ATXN10: variants seen among roughly 807,000 people sequenced by gnomAD.
ATXN10 encodes the protein ataxin 10, also known as ataxin-10.
A neutral mutation model predicts 52.9 loss-of-function variants in ATXN10; 28 were observed. The ratio of observed to expected loss-of-function variants is 0.53; its 90% confidence interval spans 0.39 to 0.73. The LOEUF is 0.73. Among genes scored for constraint, ATXN10 ranks in the 30% least tolerant of loss-of-function variants. The pLI is 0.00. For synonymous variants in ATXN10, 226 were observed against 221.5 expected, an observed-to-expected ratio of 1.02 and a Z score of -0.18; for missense variants, 565 against 577.0, an observed-to-expected ratio of 0.98 and a Z score of 0.21.
chr22:45,680,479 G>A (rs544733469), intron 1 of ATXN10, among the ~76,000 whole-genome samples: 2 of 152,242 alleles, frequency 1.3e-5, no homozygotes, highest in Admixed American at 1.3e-4. Context: ...GATTTTCTAA[G>A]TTATATGAGA....
rs373518788 is a variant in ATXN10, at chr22:45,812,511, T to C, written c.1237+5489T>C. Among the ~76,000 whole-genome samples the C allele has an allele frequency of 3.9e-5, 6 of 152,200 alleles. No homozygotes were observed. In the South Asian group the frequency reaches 8.3e-4, roughly 21 times the overall value. On this transcript the variant is annotated intron_variant, in intron 10 of 11. Coordinates refer to ENST00000252934, the MANE Select transcript of ATXN10 (RefSeq NM_013236.4). ...AGGGTGGTTCTAAGCTCAAGAGAAA[T>C]GTCTCCCATGAGTTCTTTGACTCGG...
At chr22:45,702,364 G>C (rs147092272) in intron 4 of ATXN10, among the ~76,000 whole-genome samples, 55 of 152,270 alleles carry the variant, frequency 3.6e-4, no homozygotes, top group African/African-American at 1.2e-3. Context: ...TTTTGTACCT[G>C]TCGATTTTTT....
In ATXN10 at chr22:45,762,238, T is replaced by A. The variant is rs1181069369; in HGVS notation, c.1173+21700T>A. Among the ~76,000 whole-genome samples the A allele has an allele frequency of 6.6e-6, 1 of 151,674 alleles. No individual in the cohort carries two copies. The highest frequency in any genetic ancestry group is 1.5e-5 in the Non-Finnish European group (1 of 68,030). On this transcript the variant is annotated intron_variant, in intron 9 of 11. Coordinates refer to ENST00000252934, the MANE Select transcript of ATXN10 (RefSeq NM_013236.4). The surrounding 1 kb of genome is among the most constrained non-coding windows in gnomAD (Gnocchi z 4.3). Reference sequence around the variant, plus strand: ...TTATTTGCCCTTTGTCTGTTTCCCCTGACCAGCGTGCGTTTCTTTCTGGAG... The same window carrying A: ...TTATTTGCCCTTTGTCTGTTTCCCCAGACCAGCGTGCGTTTCTTTCTGGAG...
chr22:45,795,410 A>ATTCTC lies in ATXN10; in HGVS notation c.1174-11545_1174-11544insCTTCT. Among the ~76,000 whole-genome samples the ATTCTC allele has an allele frequency of 6.9e-6, 1 of 145,894 alleles. No individual in the cohort carries two copies. Among genetic ancestry groups the ATTCTC allele is most frequent in the South Asian group, 2.2e-4 (1 of 4,644 alleles). On this transcript the variant is annotated intron_variant, in intron 9 of 11. Coordinates refer to ENST00000252934, the MANE Select transcript of ATXN10 (RefSeq NM_013236.4). This position sits in a 1 kb window ranked among gnomAD's most constrained non-coding sequence, Gnocchi z 4.6. ...ATTCTATTCTATTCTATTCTATTCTATTCTATTCTATTCTTTTTGAGATGA... is the reference window on the plus strand; with the variant it reads ...ATTCTATTCTATTCTATTCTATTCTATTCTCTTCTATTCTATTCTTTTTGAGATGA...
At chr22:45,716,424 C>T (rs1251519016) in intron 5 of ATXN10, among the ~76,000 whole-genome samples, 1 of 151,628 alleles carries the variant, frequency 6.6e-6, no homozygotes, top group Non-Finnish European at 1.5e-5. Flanking sequence ...CAACCTCTGC[C>T]TCCTGTGTTC....
At position 45,835,742 on chromosome 22, in the gene ATXN10, T is replaced by G. The variant is rs191054996; in HGVS notation, c.1238-7249T>G. ...CCCTCCGGAAAGACTGAAACTGCTCTTTCTTATAGTGTGTATTAAATGCAA... is the reference window on the plus strand; with the variant it reads ...CCCTCCGGAAAGACTGAAACTGCTCGTTCTTATAGTGTGTATTAAATGCAA... On this transcript the variant is annotated intron_variant, in intron 10 of 11. Coordinates refer to ENST00000252934, the MANE Select transcript of ATXN10 (RefSeq NM_013236.4). The surrounding 1 kb of genome is among the most constrained non-coding windows in gnomAD (Gnocchi z 5.0). Among the ~76,000 whole-genome samples the G allele has an allele frequency of 1.8e-3, 277 of 152,368 alleles. 9 individuals carry two copies. The East Asian group carries it at 0.049, about 27-fold the overall frequency.
Position 45,841,228 on chromosome 22 carries a change from C to T in ATXN10, c.1238-1763C>T, listed in dbSNP as rs578148207. On this transcript the variant is annotated intron_variant, in intron 10 of 11. Coordinates refer to ENST00000252934, the MANE Select transcript of ATXN10 (RefSeq NM_013236.4). This position sits in a 1 kb window ranked among gnomAD's most constrained non-coding sequence, Gnocchi z 5.1. ...CCTGGACTTTGTCACGAGAGAATGACAGATAAATGACACAATAAGAACTTT... is the reference window on the plus strand; with the variant it reads ...CCTGGACTTTGTCACGAGAGAATGATAGATAAATGACACAATAAGAACTTT... Among the ~76,000 whole-genome samples the T allele has an allele frequency of 6.6e-6, 1 of 152,334 alleles. No homozygotes were observed. Among genetic ancestry groups the T allele is most frequent in the Non-Finnish European group, 1.5e-5 (1 of 68,018 alleles).
chr22:45,753,632 C>G (rs2146820283), intron 9 of ATXN10, among the ~76,000 whole-genome samples: 1 of 152,036 alleles, frequency 6.6e-6, no homozygotes, highest in African/African-American at 2.4e-5. Context: ...GTCTCGAACT[C>G]CTGACTTCAG....
At chr22:45,672,232 C>A (rs1038818545) in intron 1 of ATXN10, 53 bp downstream of exon 1, 2 of 1,433,466 alleles carry the variant, frequency 1.4e-6, no homozygotes, top group East Asian at 3.1e-5. Flanking sequence ...GGCCGGGACT[C>A]CCGCGGCGGC....
chr22:45,727,307 T>TTCTG lies in ATXN10; in HGVS notation c.729-2106_729-2103dup, dbSNP rs1236331877. ...TGGTCTGAGAAGATACTTGATATAG[T>TTCTG]TCTGTCTGTCTGTCTATCTATCTAT... On this transcript the variant is annotated intron_variant, in intron 6 of 11. Coordinates refer to ENST00000252934, the MANE Select transcript of ATXN10 (RefSeq NM_013236.4). This position sits in a 1 kb window ranked among gnomAD's most constrained non-coding sequence, Gnocchi z 4.6. Among the ~76,000 whole-genome samples the TTCTG allele has an allele frequency of 8.8e-4, 131 of 149,560 alleles. No individual in the cohort carries two copies. Among genetic ancestry groups the TTCTG allele is most frequent in the African/African-American group, 3.1e-3 (125 of 40,436 alleles).
chr22:45,779,044 T>C (rs1927056127), intron 9 of ATXN10, among the ~76,000 whole-genome samples: 1 of 151,924 alleles, frequency 6.6e-6, no homozygotes, highest in Admixed American at 6.6e-5. Context: ...CTGGACTGAG[T>C]TTTTCCAGGC....
intron 3 of ATXN10, among the ~76,000 whole-genome samples, chr22:45,698,786 A>G (rs1923719891): frequency 6.6e-6 from 1 of 152,254 alleles, no homozygotes; most frequent in Non-Finnish European, 1.5e-5. Flanking sequence ...GTTGGAATTC[A>G]GCAATGAAAT....
intron 5 of ATXN10, among the ~76,000 whole-genome samples, chr22:45,710,378 A>G (rs1924199445): frequency 6.6e-6 from 1 of 152,190 alleles, no homozygotes; most frequent in Admixed American, 6.5e-5. Context: ...TCTCTGTTCA[A>G]ATATCTATCA....
At chr22:45,740,656 G>T in intron 9 of ATXN10, 118 bp downstream of exon 9, 1 of 757,160 alleles carries the variant, frequency 1.3e-6, no homozygotes, top group Non-Finnish European at 2.3e-6. Flanking sequence ...AGCTTGGATA[G>T]AGAGATATAT....
At chr22:45,725,484 C>T (rs1195857712) in intron 6 of ATXN10, among the ~76,000 whole-genome samples, 1 of 150,156 alleles carries the variant, frequency 6.7e-6, no homozygotes, top group South Asian at 2.1e-4. Context: ...TTGATGTATA[C>T]CAGTGCTACT....
chr22:45,815,098 G>A (rs1386320531), intron 10 of ATXN10, among the ~76,000 whole-genome samples: 2 of 152,220 alleles, frequency 1.3e-5, no homozygotes, highest in Non-Finnish European at 2.9e-5. Flanking sequence ...CAGATGTGCA[G>A]TAGTGGAATA....
chr22:45,823,386 C>G lies in ATXN10; in HGVS notation c.1237+16364C>G, dbSNP rs1928716687. 1 of 310,458 alleles carries G rather than the reference C, an allele frequency of 3.2e-6. No individual in the cohort carries two copies. The highest frequency in any genetic ancestry group is 4.5e-5 in the Admixed American group (1 of 22,390). 19.2% of individuals were successfully genotyped at this position (310,458 alleles called of 1,614,324 possible). A position where few individuals can be genotyped will look rare whatever the true frequency, so the allele number is the denominator to read the frequency against. ...TTTGCCTTCTATCTGGATTTGTAAT[C>G]TATCAGAATTGTAATTATTTATGAT... is the stretch of plus-strand genomic sequence containing the variant. On this transcript the variant is annotated intron_variant, in intron 10 of 11. Coordinates refer to ENST00000252934, the MANE Select transcript of ATXN10 (RefSeq NM_013236.4). This position sits in a 1 kb window ranked among gnomAD's most constrained non-coding sequence, Gnocchi z 4.9.
rs185743982 is a variant in ATXN10 at position 45,722,889 on chromosome 22, A to T, written c.728+4396A>T. Among the ~76,000 whole-genome samples the T allele has an allele frequency of 2.6e-5, 4 of 152,018 alleles. No individual in the cohort carries two copies. In the East Asian group the frequency reaches 7.7e-4, roughly 29 times the overall value. On this transcript the variant is annotated intron_variant, in intron 6 of 11. Coordinates refer to ENST00000252934, the MANE Select transcript of ATXN10 (RefSeq NM_013236.4). ...CATCTGTTTTCTTTCTCATTTCTCC[A>T]CATCCCTATCTGTGGATACCTTAAC... is the stretch of plus-strand genomic sequence containing the variant.
intron 8 of ATXN10, 52 bp from the exon 9 acceptor site, chr22:45,740,317 A>T (rs561354779): frequency 1.9e-6 from 3 of 1,557,294 alleles, no homozygotes; most frequent in African/African-American, 1.4e-5. Context: ...TTAGTACAAC[A>T]TACTAAAAGT....
Sources: allele counts gnomAD v4.1 joint callset (sites outside exome capture counted in the v4.1 genomes callset), GRCh38; gene constraint gnomAD v4.1.1; non-coding constraint Gnocchi (gnomAD v3.1); transcripts MANE v1.5; gene names NCBI Gene and HGNC (gene_info 2026-07-23, HGNC 2026-07-21).